Variants in EHBP1 observed in about 807,000 individuals in gnomAD.
EHBP1 encodes EH domain binding protein 1.
Under a neutral mutation model 144.0 loss-of-function variants are expected in EHBP1, and 55 were observed. The observed-to-expected ratio is 0.38, with a 90% CI of 0.31 to 0.48. EHBP1 has a LOEUF of 0.48. EHBP1 is among the 20% of genes least tolerant of loss of function. EHBP1 has a pLI of 0.98. For missense variants in EHBP1, 1,200 were observed against 1,364.2 expected, an observed-to-expected ratio of 0.88 and a Z score of 1.90; for synonymous variants, 469 against 472.7, an observed-to-expected ratio of 0.99 and a Z score of 0.10.
rs1381013775 is a variant in EHBP1, at chr2:62,698,425, T to C, written c.-295-8472T>C. 5.3e-5 allele frequency among the ~76,000 whole-genome samples: 8 copies of C among 152,208 alleles called. No homozygotes were observed. In the East Asian group the frequency reaches 1.3e-3, roughly 26 times the overall value. ...TCTCAATATAGGTAACTCAGTACTA[T>C]GTTCAATATCTAAAACAGACTCAAC... On this transcript the variant is annotated intron_variant, in intron 1 of 22. Coordinates refer to the EHBP1 transcript ENST00000405015.
intron 14 of EHBP1, among the ~76,000 whole-genome samples, chr2:62,962,982 G>A (rs1574265493): frequency 1.3e-5 from 2 of 152,168 alleles, no homozygotes; most frequent in East Asian, 3.8e-4. Flanking sequence ...ATAACAGGTA[G>A]CAGGATGAAA....
chr2:62,688,418 CAT>C (rs1347696868), intron 1 of EHBP1, among the ~76,000 whole-genome samples: 1 of 152,214 alleles, frequency 6.6e-6, no homozygotes, highest in Non-Finnish European at 1.5e-5. Context: ...ATATGTATAA[CAT>C]ATAGTGATCA....
chr2:62,835,780 A>C (rs2047180597), intron 7 of EHBP1, among the ~76,000 whole-genome samples: 1 of 152,204 alleles, frequency 6.6e-6, no homozygotes, highest in African/African-American at 2.4e-5. Context: ...TGCGCTTTTC[A>C]GACCGGCTTA....
chr2:62,988,761 C>A (rs1288224156), intron 15 of EHBP1, among the ~76,000 whole-genome samples: 4 of 152,164 alleles, frequency 2.6e-5, no homozygotes, highest in Middle Eastern at 3.4e-3. Flanking sequence ...GAGTTGAATT[C>A]TTATGGCAAT....
chr2:62,908,267 G>A (rs1305203874), intron 10 of EHBP1, among the ~76,000 whole-genome samples: 2 of 152,086 alleles, frequency 1.3e-5, no homozygotes, highest in Non-Finnish European at 2.9e-5. Context: ...TTTAAATCTT[G>A]TTGATATCTG....
At chr2:62,888,227 A>G (rs1038699512) in intron 10 of EHBP1, among the ~76,000 whole-genome samples, 4 of 152,216 alleles carry the variant, frequency 2.6e-5, no homozygotes, top group African/African-American at 9.6e-5. Flanking sequence ...TGGTGCACAG[A>G]TGGGGCAAAT....
intron 15 of EHBP1, among the ~76,000 whole-genome samples, chr2:62,990,320 TAAAAG>T (rs1283925847): frequency 1.1e-4 from 16 of 152,248 alleles, no homozygotes; most frequent in Admixed American, 7.2e-4. Context: ...TCTGATATAC[TAAAAG>T]AAAACTACAA....
intron 16 of EHBP1, among the ~76,000 whole-genome samples, chr2:62,993,075 A>G (rs539989000): frequency 1.3e-5 from 2 of 152,182 alleles, no homozygotes; most frequent in Non-Finnish European, 2.9e-5. Flanking sequence ...GCTTACTTAC[A>G]AATCTGGCTT....
intron 14 of EHBP1, among the ~76,000 whole-genome samples, chr2:62,962,093 G>A (rs1044340824): frequency 6.6e-6 from 1 of 152,226 alleles, no homozygotes; most frequent in African/African-American, 2.4e-5. Flanking sequence ...GGGAGGCCAA[G>A]GTGAGCAGAT....
intron 14 of EHBP1, among the ~76,000 whole-genome samples, chr2:62,967,668 G>T (rs956715929): frequency 1.3e-5 from 2 of 152,122 alleles, no homozygotes; most frequent in African/African-American, 4.8e-5. Context: ...TCAGGAATGT[G>T]GTTCTCTGTA....
chr2:62,945,008 C>T (rs2056982650), intron 12 of EHBP1, among the ~76,000 whole-genome samples: 1 of 152,230 alleles, frequency 6.6e-6, no homozygotes, highest in Admixed American at 6.5e-5. Context: ...CATAATTCCT[C>T]ATCTGAAATT....
intron 1 of EHBP1, among the ~76,000 whole-genome samples, chr2:62,694,169 C>T (rs1420197247): frequency 6.6e-6 from 1 of 152,146 alleles, no homozygotes; most frequent in Admixed American, 6.5e-5. Context: ...GGGTATCACT[C>T]CTTAAGGGCG....
At chr2:62,842,876 A>T (rs2048015686) in intron 7 of EHBP1, among the ~76,000 whole-genome samples, 1 of 152,200 alleles carries the variant, frequency 6.6e-6, no homozygotes, top group Non-Finnish European at 1.5e-5. Flanking sequence ...AAAAAATGAT[A>T]ATATGTTACA....
At chr2:63,029,706 T>A (rs967477323) in intron 19 of EHBP1, among the ~76,000 whole-genome samples, 3 of 152,170 alleles carry the variant, frequency 2.0e-5, no homozygotes, top group African/African-American at 7.2e-5. Context: ...GGGCTCAATT[T>A]TTTTTAAAAG....
chr2:62,984,193 C>T (rs2059093847), intron 15 of EHBP1, among the ~76,000 whole-genome samples: 1 of 152,116 alleles, frequency 6.6e-6, no homozygotes, highest in East Asian at 1.9e-4. Flanking sequence ...ACTTCACTTT[C>T]TGTTTAAAAA....
At chr2:62,707,422 G>A (rs1256886063) in intron 2 of EHBP1, 127 bp downstream of exon 2, 3 of 666,708 alleles carry the variant, frequency 4.5e-6, no homozygotes, top group Non-Finnish European at 2.7e-6. Flanking sequence ...TGGGTGGGGC[G>A]CAGATAACTC....
At position 62,824,979 on chromosome 2, in the gene EHBP1, A is replaced by G. The variant is rs142037986; in HGVS notation, c.313-1108A>G. Among the ~76,000 whole-genome samples the G allele has an allele frequency of 3.3e-5, 5 of 152,090 alleles. 1 individual carries two copies. The East Asian group carries it at 9.7e-4, about 29-fold the overall frequency. ...TATGGAAAATAATTATAGAACTTGAATGGATTTCTGTTTAGCCTCCTAATT... is the reference window on the plus strand; with the variant it reads ...TATGGAAAATAATTATAGAACTTGAGTGGATTTCTGTTTAGCCTCCTAATT... On this transcript the variant is annotated intron_variant, in intron 5 of 22. Transcript: ENST00000431489.
Position 62,943,524 on chromosome 2 carries a change from A to T in EHBP1, c.1365-278A>T, listed in dbSNP as rs575737758. Among the ~76,000 whole-genome samples, 3 of 152,298 alleles carry T rather than the reference A, an allele frequency of 2.0e-5. No homozygotes were observed. The South Asian group carries it at 6.2e-4, about 32-fold the overall frequency. On this transcript the variant is annotated intron_variant, in intron 11 of 22. Transcript: ENST00000431489. Reference sequence around the variant, plus strand: ...CATTGACAACAAGGGATTACCTCATACTAAATTTGGTTGTCAAGGCTAGTC... The same window carrying T: ...CATTGACAACAAGGGATTACCTCATTCTAAATTTGGTTGTCAAGGCTAGTC...
At chr2:63,030,936 C>G (rs534877138) in intron 19 of EHBP1, among the ~76,000 whole-genome samples, 2 of 151,736 alleles carry the variant, frequency 1.3e-5, no homozygotes, top group Non-Finnish European at 1.5e-5. Context: ...GCTGGGATCA[C>G]AGGCATGCGC....
Sources: allele counts gnomAD v4.1 joint callset (sites outside exome capture counted in the v4.1 genomes callset), GRCh38; gene constraint gnomAD v4.1.1; transcripts MANE v1.5; gene names NCBI Gene and HGNC (gene_info 2026-07-23, HGNC 2026-07-21).